Variants in BLTP2 observed in about 807,000 individuals in gnomAD.
BLTP2 encodes U937-associated antigen.
At chr17:28,621,399 C>T in the BLTP2 span, 1 of 1,613,042 alleles carries the variant, frequency 6.2e-7, no homozygotes, top group Non-Finnish European at 8.5e-7. Flanking sequence ...GAGGGCTGAC[C>T]TGTGGTTGTG....
the BLTP2 span, chr17:28,615,853 T>C: frequency 3.8e-6 from 6 of 1,593,868 alleles, no homozygotes; most frequent in South Asian, 6.7e-5. Flanking sequence ...ATACATCAGC[T>C]GCCATTTTGA....
the BLTP2 span, chr17:28,644,260 CA>C: frequency 2.6e-6 from 4 of 1,517,464 alleles, no homozygotes; most frequent in African/African-American, 2.8e-5. Flanking sequence ...GCTGGTCTTT[CA>C]AAGCCTTGCA....
chr17:28,625,100 G>C, the BLTP2 span, among the ~76,000 whole-genome samples: 1 of 152,092 alleles, frequency 6.6e-6, no homozygotes, highest in Non-Finnish European at 1.5e-5. Flanking sequence ...CACTTTGGGA[G>C]GCTGAAGTGG....
chr17:28,626,014 C>T, the BLTP2 span, among the ~76,000 whole-genome samples: 4 of 152,198 alleles, frequency 2.6e-5, no homozygotes, highest in South Asian at 2.1e-4. Context: ...CCATCCGCCT[C>T]GGCCTCCCAA....
the BLTP2 span, among the ~76,000 whole-genome samples, chr17:28,618,002 G>A: frequency 6.8e-6 from 1 of 146,024 alleles, no homozygotes; most frequent in African/African-American, 2.6e-5. Flanking sequence ...GCACGATCTC[G>A]GCTCACTGCA....
the BLTP2 span, chr17:28,620,082 G>C: frequency 2.1e-6 from 3 of 1,423,168 alleles, no homozygotes; most frequent in Middle Eastern, 1.8e-4. Context: ...AAGTGAAATA[G>C]AGAAAGGAGA....
chr17:28,638,308 G>C, the BLTP2 span: 1 of 1,613,578 alleles, frequency 6.2e-7, no homozygotes, highest in Non-Finnish European at 8.5e-7. Context: ...ATATTGGGTG[G>C]GTGTGGCGCC....
the BLTP2 span, among the ~76,000 whole-genome samples, chr17:28,625,334 C>CAAAAAAAAAAAAAAAAA: frequency 6.9e-5 from 2 of 29,058 alleles, no homozygotes; most frequent in Admixed American, 4.5e-4. Flanking sequence ...GACTCCGTCT[C>CAAAAAAAAAAAAAAAAA]AAAAAAAAAA....
At chr17:28,623,285 C>T in the BLTP2 span, among the ~76,000 whole-genome samples, 3 of 152,196 alleles carry the variant, frequency 2.0e-5, no homozygotes, top group African/African-American at 7.2e-5. Context: ...TCCAAGAGCT[C>T]ATGGCTACTA....
chr17:28,638,692 C>T, the BLTP2 span: 3 of 1,061,852 alleles, frequency 2.8e-6, no homozygotes, highest in African/African-American at 1.6e-5. Context: ...ACTGCAGCTT[C>T]CTATCATGGA....
At chr17:28,615,472 A>C in the BLTP2 span, among the ~76,000 whole-genome samples, 1 of 152,238 alleles carries the variant, frequency 6.6e-6, no homozygotes, top group African/African-American at 2.4e-5. Flanking sequence ...GTGCTATACG[A>C]AACACTCAGT....
the BLTP2 span, chr17:28,638,663 A>C: frequency 7.1e-7 from 1 of 1,403,668 alleles, no homozygotes; most frequent in Non-Finnish European, 1.0e-6. Flanking sequence ...ACAAGACATC[A>C]TTGTTTGGTA....
chr17:28,622,069 C>A, the BLTP2 span, among the ~76,000 whole-genome samples: 1 of 152,108 alleles, frequency 6.6e-6, no homozygotes, highest in African/African-American at 2.4e-5. Context: ...ATGTTCCACT[C>A]TAATGCTAGT....
At chr17:28,631,697 A>G in the BLTP2 span, 53 of 1,613,832 alleles carry the variant, frequency 3.3e-5, no homozygotes, top group Non-Finnish European at 4.5e-5. Context: ...AAAAAGAGGC[A>G]CACAGAGACC....
the BLTP2 span, among the ~76,000 whole-genome samples, chr17:28,628,082 T>C: frequency 6.6e-6 from 1 of 152,216 alleles, no homozygotes; most frequent in Non-Finnish European, 1.5e-5. Context: ...GACCAGACCA[T>C]TTAATGCCCC....
chr17:28,626,154 C>T, the BLTP2 span, among the ~76,000 whole-genome samples: 3 of 152,220 alleles, frequency 2.0e-5, no homozygotes, highest in East Asian at 1.9e-4. Context: ...CTCCTACACA[C>T]TACTCCCAGA....
the BLTP2 span, chr17:28,616,770 T>G: frequency 4.3e-6 from 7 of 1,613,970 alleles, no homozygotes; most frequent in African/African-American, 9.3e-5. This position sits in a 1 kb window ranked among gnomAD's most constrained non-coding sequence, Gnocchi z 4.8. Flanking sequence ...AGGAAAAAGA[T>G]TCAAGAAGCA....
At chr17:28,629,220 T>A in the BLTP2 span, among the ~76,000 whole-genome samples, 1 of 151,512 alleles carries the variant, frequency 6.6e-6, no homozygotes, top group Non-Finnish European at 1.5e-5. Context: ...TTTTATTTTT[T>A]AAATATATTT....
the BLTP2 span, chr17:28,614,941 T>C: frequency 1.2e-6 from 1 of 855,006 alleles, no homozygotes; most frequent in South Asian, 1.6e-5. Context: ...TGCTGAAGAG[T>C]GATGCCTATG....
Sources: gnomAD v4.1 joint callset for allele counts (sites outside exome capture counted in the v4.1 genomes callset) on GRCh38, gnomAD v4.1.1 for gene constraint, Gnocchi (gnomAD v3.1) non-coding constraint, MANE v1.5 for transcripts, NCBI Gene and HGNC (gene_info 2026-07-23, HGNC 2026-07-21) for gene names.